The following ADAMTSL3 variants were observed in gnomAD, a reference collection of about 807,000 sequenced individuals.
The protein encoded by ADAMTSL3 is ADAMTS like 3.
ADAMTSL3 carries 128 observed loss-of-function variants against 201.7 expected under a neutral mutation model. That is an observed-to-expected ratio of 0.63 (90% confidence interval 0.55 to 0.73). The LOEUF (loss-of-function observed/expected upper bound fraction) is 0.73, where lower values mean the gene tolerates loss of function less well. ADAMTSL3 is among the 30% of genes least tolerant of loss of function. The probability of loss-of-function intolerance (pLI) is 0.00; values close to 1 mark genes in which losing one functional copy is unlikely to be tolerated. For synonymous variants in ADAMTSL3, 738 were observed against 748.4 expected, an observed-to-expected ratio of 0.99 and a Z score of 0.23; for missense variants, 1,990 against 2,119.6, an observed-to-expected ratio of 0.94 and a Z score of 1.20.
intron 23 of ADAMTSL3, among the ~76,000 whole-genome samples, chr15:84,007,020 A>T (rs143093482): frequency 5.3e-5 from 8 of 152,312 alleles, no homozygotes; most frequent in African/African-American, 1.9e-4. Flanking sequence ...AATTATCACT[A>T]TATTTCCCAA....
At chr15:83,671,742 C>T (rs1447259037) in intron 2 of ADAMTSL3, among the ~76,000 whole-genome samples, 2 of 152,332 alleles carry the variant, frequency 1.3e-5, no homozygotes, top group African/African-American at 4.8e-5. Context: ...TCCCCTTTAG[C>T]TCTAGTGGGG....
chr15:83,776,768 T>A (rs530450345), intron 4 of ADAMTSL3, among the ~76,000 whole-genome samples: 1 of 152,240 alleles, frequency 6.6e-6, no homozygotes, highest in African/African-American at 2.4e-5. Context: ...AGGGAAGCCC[T>A]CTGTGCTGGG....
chr15:83,844,567 T>C (rs1596306922), intron 7 of ADAMTSL3, among the ~76,000 whole-genome samples: 1 of 152,210 alleles, frequency 6.6e-6, no homozygotes, highest in East Asian at 1.9e-4. Flanking sequence ...CTATCAGAAC[T>C]GCGATTGAGA....
At position 83,835,006 on chromosome 15, in the gene ADAMTSL3, G is replaced by A. The variant is rs563042545; in HGVS notation, c.601-3083G>A. Among the ~76,000 whole-genome samples the A allele has an allele frequency of 2.6e-5, 4 of 152,150 alleles. No homozygotes were observed. The East Asian group carries it at 7.8e-4, about 29-fold the overall frequency. The stretch of plus-strand genomic sequence containing the variant: ...TCCCAGCACTTTGGGAGGCCAAGGC[G>A]GGCAGATCACGAGATCAGGAGATCG... On this transcript the variant is annotated intron_variant, in intron 6 of 29. Transcript: ENST00000286744.
chr15:84,015,090 C>T (rs545464570), intron 24 of ADAMTSL3, among the ~76,000 whole-genome samples: 186 of 152,190 alleles, frequency 1.2e-3, no homozygotes, highest in African/African-American at 4.2e-3. Context: ...GGACAATAGG[C>T]GCACACCACC....
chr15:83,975,148 C>T (rs966095528), intron 20 of ADAMTSL3, among the ~76,000 whole-genome samples: 2 of 151,920 alleles, frequency 1.3e-5, no homozygotes, highest in Non-Finnish European at 2.9e-5. Context: ...ACTACAGGCA[C>T]CTGCTACCAT....
At chr15:83,840,227 C>A (rs1265518936) in intron 7 of ADAMTSL3, among the ~76,000 whole-genome samples, 1 of 151,962 alleles carries the variant, frequency 6.6e-6, no homozygotes, top group Non-Finnish European at 1.5e-5. Flanking sequence ...GTACCATGGA[C>A]CCCAAAGGAA....
chr15:83,816,814 T>C (rs2141899036), intron 5 of ADAMTSL3, among the ~76,000 whole-genome samples: 1 of 152,270 alleles, frequency 6.6e-6, no homozygotes, highest in South Asian at 2.1e-4. Flanking sequence ...GAGACCAGCG[T>C]GGGCAACATG....
At chr15:83,686,310 G>A (rs533309786) in intron 2 of ADAMTSL3, among the ~76,000 whole-genome samples, 1 of 152,300 alleles carries the variant, frequency 6.6e-6, no homozygotes, top group African/African-American at 2.4e-5. Context: ...TGCTATGGGA[G>A]GGGACAAACA....
intron 17 of ADAMTSL3, among the ~76,000 whole-genome samples, chr15:83,925,915 A>G (rs1354015911): frequency 6.6e-6 from 1 of 152,212 alleles, no homozygotes; most frequent in Non-Finnish European, 1.5e-5. Flanking sequence ...CACAGGGGAA[A>G]ATACAGGGAG....
chr15:83,817,260 GGAAA>G (rs1378855442), intron 5 of ADAMTSL3, among the ~76,000 whole-genome samples: 1 of 152,128 alleles, frequency 6.6e-6, no homozygotes, highest in African/African-American at 2.4e-5. Context: ...AGCAAAAAGA[GGAAA>G]ACTGTATTTA....
chr15:83,966,245 G>A (rs1444146585), intron 19 of ADAMTSL3, among the ~76,000 whole-genome samples: 1 of 152,126 alleles, frequency 6.6e-6, no homozygotes, highest in Non-Finnish European at 1.5e-5. Context: ...GAATCCCAGA[G>A]CTGGTATTTT....
chr15:83,968,019 T>C (rs1596477038), intron 19 of ADAMTSL3, among the ~76,000 whole-genome samples: 2 of 152,140 alleles, frequency 1.3e-5, no homozygotes, highest in Non-Finnish European at 2.9e-5. Flanking sequence ...TTACACCTTA[T>C]ACAAAAATTA....
At chr15:83,905,963 A>G (rs765534118) in intron 15 of ADAMTSL3, among the ~76,000 whole-genome samples, 2 of 151,936 alleles carry the variant, frequency 1.3e-5, no homozygotes, top group Non-Finnish European at 2.9e-5. Flanking sequence ...ACTTTGATCC[A>G]TGGGAAATTT....
In ADAMTSL3 at chr15:83,879,407, C is replaced by T. The variant is rs1405600062; in HGVS notation, c.961-5694C>T. On this transcript the variant is annotated intron_variant, in intron 9 of 29. Coordinates refer to ENST00000286744, the MANE Select transcript of ADAMTSL3 (RefSeq NM_207517.3). ...TTAAGTCTATAAATTTCTCTCAATG[C>T]ATGCCTTATATTTAATTTAATAATT... Among the ~76,000 whole-genome samples, 4 of 152,086 alleles carry T rather than the reference C, an allele frequency of 2.6e-5. No individual in the cohort carries two copies. The East Asian group carries it at 5.8e-4, about 22-fold the overall frequency.
intron 4 of ADAMTSL3, among the ~76,000 whole-genome samples, chr15:83,783,479 C>G (rs770987997): frequency 4.0e-5 from 6 of 151,848 alleles, no homozygotes; most frequent in East Asian, 1.9e-4. Context: ...GGCTATAAAA[C>G]AAAATTTATG....
chr15:83,902,665 G>A (rs950894453), intron 15 of ADAMTSL3, among the ~76,000 whole-genome samples: 2 of 152,158 alleles, frequency 1.3e-5, no homozygotes, highest in Non-Finnish European at 2.9e-5. Flanking sequence ...GGACTTGGCA[G>A]GGTATTACCT....
At chr15:83,958,195 A>G (rs985844903) in intron 19 of ADAMTSL3, among the ~76,000 whole-genome samples, 1 of 152,172 alleles carries the variant, frequency 6.6e-6, no homozygotes, top group Admixed American at 6.5e-5. Flanking sequence ...CAAGAAAATG[A>G]TCCTACTCTG....
intron 10 of ADAMTSL3, among the ~76,000 whole-genome samples, chr15:83,888,384 A>G (rs2065439315): frequency 7.0e-6 from 1 of 142,224 alleles, no homozygotes; most frequent in African/African-American, 2.7e-5. Context: ...TTAGAAGTCT[A>G]TTTCTATTTA....
Sources: gnomAD v4.1 joint callset for allele counts (sites outside exome capture counted in the v4.1 genomes callset) on GRCh38, gnomAD v4.1.1 for gene constraint, MANE v1.5 for transcripts, NCBI Gene and HGNC (gene_info 2026-07-23, HGNC 2026-07-21) for gene names.